WDFY4: variants seen among roughly 807,000 people sequenced by gnomAD.
WDFY4 encodes the protein WDFY family member 4, also known as WD repeat- and FYVE domain-containing protein 4.
In WDFY4, 169 loss-of-function variants were observed where a neutral mutation model predicts 351.9. The ratio of observed to expected loss-of-function variants is 0.48; its 90% CI spans 0.42 to 0.55. The LOEUF (loss-of-function observed/expected upper bound fraction) is 0.55, where lower values mean the gene tolerates loss of function less well. Ranked by LOEUF, WDFY4 falls within the 20% of genes least tolerant of loss-of-function variation. WDFY4 has a pLI of 0.00. For synonymous variants in WDFY4, 1,622 were observed against 1,574.6 expected, an observed-to-expected ratio of 1.03 and a Z score of -0.71; for missense variants, 3,803 against 3,935.6, an observed-to-expected ratio of 0.97 and a Z score of 0.90.
At chr10:48,835,603 TTA>T (rs1441095874) in intron 39 of WDFY4, among the ~76,000 whole-genome samples, 2 of 152,186 alleles carry the variant, frequency 1.3e-5, no homozygotes, top group Non-Finnish European at 1.5e-5. Context: ...TTGCAACAGA[TTA>T]TGTTTCTGTC....
At chr10:48,907,260 T>A (rs1005831918) in intron 47 of WDFY4, among the ~76,000 whole-genome samples, 4 of 152,216 alleles carry the variant, frequency 2.6e-5, no homozygotes, top group Admixed American at 6.5e-5. Context: ...TATCTGATTC[T>A]CTTTCTCTCA....
At chr10:48,803,207 C>T in intron 24 of WDFY4, 79 bp from the exon 25 acceptor site, 1 of 1,382,414 alleles carries the variant, frequency 7.2e-7, no homozygotes, top group Non-Finnish European at 1.0e-6. Context: ...ACCTGTCCAG[C>T]ACTGACCTTC....
At position 48,969,266 on chromosome 10, in the gene WDFY4, AG is replaced by A; in HGVS notation, c.8769+19del. 1.2e-5 allele frequency: 18 copies of A among 1,549,808 alleles called. No homozygotes were observed. Among genetic ancestry groups the A allele is most frequent in the Non-Finnish European group, 1.6e-5 (18 of 1,146,580 alleles). On this transcript the variant is annotated intron_variant, in intron 56 of 61. Coordinates refer to ENST00000325239, the MANE Select transcript of WDFY4 (RefSeq NM_001394531.1). ...CCGACAAGGTGAGGGGGCTGCAGGG[AG>A]CAGGGGCAGCCTCAGGACCTCAGCC...
chr10:48,887,571 G>A (rs1029854587), intron 43 of WDFY4, among the ~76,000 whole-genome samples: 2 of 152,176 alleles, frequency 1.3e-5, no homozygotes, highest in African/African-American at 4.8e-5. Flanking sequence ...GAGGTCAGGA[G>A]ATCAAGACCA....
intron 31 of WDFY4, among the ~76,000 whole-genome samples, chr10:48,816,928 A>G (rs554720108): frequency 6.6e-6 from 1 of 152,348 alleles, no homozygotes; most frequent in Non-Finnish European, 1.5e-5. Context: ...CATCTACCCA[A>G]TACAGTAGAC....
At chr10:48,957,777 C>A (rs1415791206) in intron 52 of WDFY4, among the ~76,000 whole-genome samples, 1 of 152,202 alleles carries the variant, frequency 6.6e-6, no homozygotes, top group East Asian at 1.9e-4. Context: ...CAGCTCCTTC[C>A]TGAACTGCAG....
chr10:48,838,707 C>A (rs1405289576), intron 39 of WDFY4, among the ~76,000 whole-genome samples: 1 of 152,228 alleles, frequency 6.6e-6, no homozygotes, highest in African/African-American at 2.4e-5. Context: ...CTTCCCACTT[C>A]CCCCCTATGC....
Position 48,894,914 on chromosome 10 carries a change from A to G in WDFY4, c.7317-2540A>G, listed in dbSNP as rs1039383630. On this transcript the variant is annotated intron_variant, in intron 44 of 61. Transcript: ENST00000325239. Reference sequence around the variant, plus strand: ...GGAGCAGCTCAGCTGAGATCCAGATAGAGACATTAATAATGGACAAAGGAC... The same window carrying G: ...GGAGCAGCTCAGCTGAGATCCAGATGGAGACATTAATAATGGACAAAGGAC... Among the ~76,000 whole-genome samples, 19 of 152,346 alleles carry G rather than the reference A, an allele frequency of 1.2e-4. No individual in the cohort carries two copies. The South Asian group carries it at 2.3e-3, about 18-fold the overall frequency.
intron 59 of WDFY4, among the ~76,000 whole-genome samples, chr10:48,977,731 C>G (rs1008203112): frequency 6.6e-6 from 1 of 152,230 alleles, no homozygotes; most frequent in African/African-American, 2.4e-5. Context: ...TCGATGTGGT[C>G]ACTGAGCTCC....
intron 12 of WDFY4, among the ~76,000 whole-genome samples, chr10:48,757,202 T>C (rs559368224): frequency 3.1e-4 from 47 of 152,134 alleles, no homozygotes; most frequent in Non-Finnish European, 6.0e-4. Flanking sequence ...TTTATGACTT[T>C]GAAGGAACAA....
chr10:48,748,943 C>A (rs993235927), intron 12 of WDFY4, among the ~76,000 whole-genome samples: 3 of 152,060 alleles, frequency 2.0e-5, no homozygotes, highest in African/African-American at 7.2e-5. Context: ...GCCTTGGAGT[C>A]AGGCCTGCTT....
At chr10:48,848,790 G>A (rs1589745916) in intron 39 of WDFY4, among the ~76,000 whole-genome samples, 1 of 152,172 alleles carries the variant, frequency 6.6e-6, no homozygotes, top group Non-Finnish European at 1.5e-5. Context: ...CCGAGGAGGC[G>A]AGCTGGGAAA....
chr10:48,785,503 G>T (rs2066376856), intron 19 of WDFY4, among the ~76,000 whole-genome samples: 1 of 152,010 alleles, frequency 6.6e-6, no homozygotes, highest in South Asian at 2.1e-4. Context: ...AATCAATTAT[G>T]AATTAATTTT....
In WDFY4 at chr10:48,946,971, T is replaced by G. The variant is rs780393636; in HGVS notation, c.7977+2T>G. 1 of 1,543,580 alleles carries G rather than the reference T, an allele frequency of 6.5e-7. No individual in the cohort carries two copies. The highest frequency in any genetic ancestry group is 8.7e-7 in the Non-Finnish European group (1 of 1,143,250). On this transcript the variant is annotated splice_donor_variant, in intron 51 of 61. Coordinates refer to ENST00000325239, the MANE Select transcript of WDFY4 (RefSeq NM_001394531.1). LOFTEE classifies it high-confidence loss of function. ...ACCCAGGCCTTCTGCGCTCTGCAGGTGAGCTGCTGCCACTCTCTGTACACA... is the reference window on the plus strand; with the variant it reads ...ACCCAGGCCTTCTGCGCTCTGCAGGGGAGCTGCTGCCACTCTCTGTACACA...
intron 43 of WDFY4, chr10:48,878,735 C>T (rs2070128525): frequency 6.5e-6 from 1 of 152,784 alleles, no homozygotes; most frequent in South Asian, 2.1e-4. Context: ...TTGTTACTGT[C>T]TGTGTCGCCC....
At chr10:48,818,953 A>G (rs954978506) in intron 32 of WDFY4, among the ~76,000 whole-genome samples, 2 of 152,214 alleles carry the variant, frequency 1.3e-5, no homozygotes, top group Non-Finnish European at 2.9e-5. Flanking sequence ...TTCCCTGGGC[A>G]GGTTTTCTGC....
chr10:48,826,216 AT>A (rs2068002295), intron 35 of WDFY4, among the ~76,000 whole-genome samples: 1 of 151,666 alleles, frequency 6.6e-6, no homozygotes, highest in Non-Finnish European at 1.5e-5. Context: ...ATAGGGAATT[AT>A]TTCCCCATTG....
At position 48,905,716 on chromosome 10, in the gene WDFY4, C is replaced by A. The variant is rs539830666; in HGVS notation, c.7586+3853C>A. On this transcript the variant is annotated intron_variant, in intron 47 of 61. Coordinates refer to ENST00000325239, the MANE Select transcript of WDFY4 (RefSeq NM_001394531.1). ...TGCGGACACCCCGCAGAGTGCTGAC[C>A]CTCGGCTCTGAGGCCACCCATGCAG... Among the ~76,000 whole-genome samples the A allele has an allele frequency of 5.3e-5, 8 of 152,300 alleles. No individual in the cohort carries two copies. The East Asian group carries it at 1.5e-3, about 29-fold the overall frequency.
Position 48,976,968 on chromosome 10 carries a change from G to A in WDFY4, c.9280G>A (p.Gly3094Ser), listed in dbSNP as rs1322401125. The A allele has an allele frequency of 1.0e-5, 15 of 1,470,068 alleles. No individual in the cohort carries two copies. The East Asian group carries it at 1.1e-4, about 11-fold the overall frequency. 91.1% of individuals were successfully genotyped at this position (1,470,068 alleles called of 1,614,324 possible). The change falls in exon 59 of 62, where the codon GGC becomes AGC. Residue 3094 changes from glycine (G) to serine (S), a missense_variant. Coordinates refer to ENST00000325239, the MANE Select transcript of WDFY4 (RefSeq NM_001394531.1). ...GATCATCATCACCGGGAGTCAAGAC[G>A]GCATGGTCCGGGTAGGTGTGTCTTG... is the stretch of plus-strand genomic sequence containing the variant. Reference protein sequence around the residue: ...SQIIITGSQDGMVRVWKTEDV... With the variant: ...SQIIITGSQDSMVRVWKTEDV...
Sources: gnomAD v4.1 joint callset for allele counts (sites outside exome capture counted in the v4.1 genomes callset) on GRCh38, gnomAD v4.1.1 for gene constraint, MANE v1.5 for transcripts, NCBI Gene and HGNC (gene_info 2026-07-23, HGNC 2026-07-21) for gene names.